The following DEUP1 variants were observed in gnomAD, a reference collection of about 807,000 sequenced individuals.
DEUP1 encodes the protein deuterosome assembly protein 1.
DEUP1 carries 82 observed loss-of-function variants against 87.4 expected under a neutral mutation model. The ratio of observed to expected loss-of-function variants is 0.94; its 90% CI spans 0.78 to 1.13. The LOEUF is 1.13. DEUP1 is among the 50% of genes most tolerant of loss of function. The pLI, the probability that DEUP1 is intolerant of heterozygous loss-of-function variation, is 0.00. For synonymous variants in DEUP1, 214 were observed against 222.7 expected (o/e 0.96, Z 0.35); for missense variants, 663 against 681.5 (o/e 0.97, Z 0.30).
intron 2 of DEUP1, among the ~76,000 whole-genome samples, chr11:93,333,948 G>A (rs1943614724): frequency 6.6e-6 from 1 of 152,340 alleles, no homozygotes; most frequent in South Asian, 2.1e-4. Flanking sequence ...TTGGGTCCCA[G>A]ATATCACTTC....
intron 7 of DEUP1, among the ~76,000 whole-genome samples, chr11:93,376,911 A>G (rs368099029): frequency 1.3e-5 from 2 of 152,090 alleles, no homozygotes; most frequent in Admixed American, 1.3e-4. Flanking sequence ...TTTAATTTCC[A>G]TGTATTTGCA....
Position 93,408,334 on chromosome 11 carries a change from A to G in DEUP1, c.1430A>G (p.Asn477Ser), listed in dbSNP as rs1489592141. 4 of 1,578,008 alleles carry G rather than the reference A, an allele frequency of 2.5e-6. No individual in the cohort carries two copies. Among genetic ancestry groups the G allele is most frequent in the East Asian group, 4.6e-5 (2 of 43,554 alleles). The stretch of plus-strand genomic sequence containing the variant: ...AATGATCTTGCAAAACTTCATGTCA[A>G]TGGAAAATCAACCTGGACTAATCAA... ...LRNDLAKLHV[N>S]GKSTWTNQNT... Residue 477 changes from asparagine (N) to serine (S), a missense_variant, in exon 12 of 14, where the codon AAT becomes AGT. Transcript: ENST00000298050.
chr11:93,388,929 G>T (rs962007666), intron 8 of DEUP1, 91 bp from the exon 9 acceptor site: 1 of 707,238 alleles, frequency 1.4e-6, no homozygotes, highest in Non-Finnish European at 2.3e-6. Context: ...ATCTATCTCC[G>T]CAGCCTGTAA....
intron 5 of DEUP1, among the ~76,000 whole-genome samples, chr11:93,365,502 A>G (rs868115595): frequency 3.8e-4 from 58 of 152,136 alleles, no homozygotes; most frequent in African/African-American, 1.3e-3. Flanking sequence ...ACTGAAAATG[A>G]AGAGATTGAG....
chr11:93,354,095 T>C (rs1488276121), intron 2 of DEUP1, among the ~76,000 whole-genome samples: 1 of 152,244 alleles, frequency 6.6e-6, no homozygotes, highest in Non-Finnish European at 1.5e-5. Flanking sequence ...TGAATGCCTT[T>C]AACAGCACCC....
At chr11:93,385,628 G>T (rs1946507072) in intron 8 of DEUP1, 85 bp downstream of exon 8, 1 of 1,045,232 alleles carries the variant, frequency 9.6e-7, no homozygotes, top group East Asian at 2.7e-5. Flanking sequence ...TTTGAAATGA[G>T]AATATAAAGT....
chr11:93,343,989 A>G (rs1267785808), intron 2 of DEUP1, among the ~76,000 whole-genome samples: 2 of 152,236 alleles, frequency 1.3e-5, no homozygotes, highest in African/African-American at 2.4e-5. Context: ...GTTAGCAAAC[A>G]CTAATGATGA....
At chr11:93,412,216 A>G (rs1023905788) in intron 12 of DEUP1, among the ~76,000 whole-genome samples, 1 of 152,208 alleles carries the variant, frequency 6.6e-6, no homozygotes, top group African/African-American at 2.4e-5. Context: ...TGTTGACTCA[A>G]GTCTCAAGTG....
At chr11:93,418,242 G>A (rs1245418250) in intron 13 of DEUP1, among the ~76,000 whole-genome samples, 4 of 152,028 alleles carry the variant, frequency 2.6e-5, no homozygotes, top group African/African-American at 4.8e-5. Context: ...GAGCGAACAG[G>A]CAACCTACAA....
At position 93,437,750 on chromosome 11, in the gene DEUP1, C is replaced by CA. The variant is rs1555068651; in HGVS notation, c.*31_*32insA. ...TAAACTTTTTTATTTGCTTCCCCCC[C>CA]CCACCCCCGCCAAGAAAAAAAGCTC... On this transcript the variant is annotated 3_prime_UTR_variant, in exon 14 of 14. Transcript: ENST00000298050. The CA allele has an allele frequency of 3.6e-5, 38 of 1,044,794 alleles. 2 individuals are homozygous for CA. Among genetic ancestry groups the CA allele is most frequent in the African/African-American group, 3.2e-4 (16 of 50,432 alleles). The allele number at this position is 1,044,794 out of a possible 1,614,324, so 64.7% of individuals were successfully genotyped here.
At chr11:93,409,742 G>A (rs1300391181) in intron 12 of DEUP1, among the ~76,000 whole-genome samples, 1 of 151,880 alleles carries the variant, frequency 6.6e-6, no homozygotes, top group South Asian at 2.1e-4. Flanking sequence ...TGTCACCCTC[G>A]ATTTTCTATC....
chr11:93,419,098 G>T (rs1351796568), intron 13 of DEUP1, among the ~76,000 whole-genome samples: 1 of 151,618 alleles, frequency 6.6e-6, no homozygotes, highest in African/African-American at 2.4e-5. Context: ...CGAGTTAGTG[G>T]GTGCAGTGCA....
At chr11:93,393,016 C>T (rs1946815919) in intron 9 of DEUP1, among the ~76,000 whole-genome samples, 1 of 122,490 alleles carries the variant, frequency 8.2e-6, no homozygotes. Context: ...TCCTCCTCCT[C>T]CTCTGAGCCC....
chr11:93,427,027 A>G (rs1243080243), intron 13 of DEUP1, among the ~76,000 whole-genome samples: 2 of 43,390 alleles, frequency 4.6e-5, no homozygotes. Context: ...AAAAAAAAAA[A>G]AAAAGAAAAT....
At chr11:93,437,474 T>C in intron 13 of DEUP1, 69 bp from the exon 14 acceptor site, 7 of 1,207,746 alleles carry the variant, frequency 5.8e-6, no homozygotes, top group Non-Finnish European at 8.2e-6. Flanking sequence ...GGATGAAGCA[T>C]GCCTGGAAAT....
chr11:93,343,006 G>C (rs972569328), intron 2 of DEUP1, among the ~76,000 whole-genome samples: 1 of 152,190 alleles, frequency 6.6e-6, no homozygotes, highest in Admixed American at 6.5e-5. Context: ...AACATGTGAA[G>C]TTTGAGGTGC....
Position 93,437,849 on chromosome 11 carries a change from T to C in DEUP1, c.*130T>C. The C allele has an allele frequency of 8.0e-6, 5 of 627,442 alleles. No homozygotes were observed. The highest frequency in any genetic ancestry group is 1.4e-5 in the Non-Finnish European group (5 of 351,100). 38.9% of individuals were successfully genotyped at this position (627,442 alleles called of 1,614,324 possible). ...TGTTTCCTTGAGTAAATAATTTCCG[T>C]AAGGCAGCTAGAAAATAGTAAGTAT... On this transcript the variant is annotated 3_prime_UTR_variant, in exon 14 of 14. Transcript: ENST00000298050.
rs146960382 is a variant in DEUP1 at position 93,342,715 on chromosome 11, G to A, written c.29+10427G>A. 4.9e-4 allele frequency among the ~76,000 whole-genome samples: 74 copies of A among 152,320 alleles called. No homozygotes were observed. In the East Asian group the frequency reaches 0.013, roughly 26 times the overall value. On this transcript the variant is annotated intron_variant, in intron 2 of 13. Transcript: ENST00000298050. ...AAAGTTCTGTTAGTATGGAACAAAG[G>A]AAGGATAGATATTGGGTAGGAAACT...
At chr11:93,403,364 G>C (rs993037505) in intron 11 of DEUP1, among the ~76,000 whole-genome samples, 1 of 151,854 alleles carries the variant, frequency 6.6e-6, no homozygotes, top group East Asian at 1.9e-4. Flanking sequence ...CTCTCTTTTA[G>C]AGTACTTGGT....
Sources: allele counts gnomAD v4.1 joint callset (sites outside exome capture counted in the v4.1 genomes callset), GRCh38; gene constraint gnomAD v4.1.1; transcripts MANE v1.5; gene names NCBI Gene and HGNC (gene_info 2026-07-23, HGNC 2026-07-21).